Variants in WWC1 observed in about 807,000 individuals in gnomAD.
WWC1 encodes protein KIBRA.
WWC1 carries 55 observed loss-of-function variants against 138.4 expected under a neutral mutation model. The ratio of observed to expected loss-of-function variants is 0.40; its 90% CI spans 0.32 to 0.50. The LOEUF is 0.50. WWC1 is among the 20% of genes least tolerant of loss of function. The pLI is 0.72. For missense variants in WWC1, 1,226 were observed against 1,420.4 expected (o/e 0.86, Z 2.20); for synonymous variants, 524 against 564.9 (o/e 0.93, Z 1.03).
At position 168,339,008 on chromosome 5, in the gene WWC1, A is replaced by C. The variant is rs1333883687; in HGVS notation, c.120-32416A>C. On this transcript the variant is annotated intron_variant, in intron 1 of 22. Transcript: ENST00000265293. ...CACAAATAAATGAGAAATGTTTGAG[A>C]TAATGGGTATGCTAATTACCCTGAT... is the stretch of plus-strand genomic sequence containing the variant. Among the ~76,000 whole-genome samples the C allele has an allele frequency of 8.9e-4, 136 of 152,350 alleles. 1 individual carries two copies. Among genetic ancestry groups the C allele is most frequent in the Non-Finnish European group, 7.4e-5 (5 of 68,024 alleles).
chr5:168,408,517 T>C lies in WWC1; in HGVS notation c.731T>C (p.Met244Thr), dbSNP rs750303026. 2 of 1,613,984 alleles carry C rather than the reference T, an allele frequency of 1.2e-6. No homozygotes were observed. Among genetic ancestry groups the C allele is most frequent in the South Asian group, 2.2e-5 (2 of 91,036 alleles). Reference sequence around the variant, plus strand: ...TCTCCCCTCCTTCAGAGCCTTGCCATGTTGAAGGACGGCTTCCGCACTGAC... The same window carrying C: ...TCTCCCCTCCTTCAGAGCCTTGCCACGTTGAAGGACGGCTTCCGCACTGAC... ...EKQDLIKSLA[M>T]LKDGFRTDRG... The change falls in exon 7 of 23, where the codon ATG (methionine) becomes ACG (threonine). Residue 244 changes from methionine (M) to threonine (T), a missense_variant. Physicochemically the swap from Met to Thr is moderately conservative, Grantham distance 81. This residue lies in a region of WWC1 where 1,016 missense variants were observed against 1,153.9 expected (regional missense o/e 0.88). Coordinates refer to ENST00000265293, the MANE Select transcript of WWC1 (RefSeq NM_015238.3).
intron 2 of WWC1, among the ~76,000 whole-genome samples, chr5:168,373,812 C>T (rs978275157): frequency 4.7e-5 from 7 of 148,836 alleles, no homozygotes; most frequent in Non-Finnish European, 7.4e-5. Flanking sequence ...TTTGGGAGGC[C>T]GAGGTGGGCG....
intron 2 of WWC1, among the ~76,000 whole-genome samples, chr5:168,375,467 G>T (rs892113032): frequency 6.6e-6 from 1 of 152,194 alleles, no homozygotes; most frequent in Non-Finnish European, 1.5e-5. Context: ...GGCAGCTTTG[G>T]ACGAGGACTG....
chr5:168,452,909 C>G (rs1172900552), intron 17 of WWC1, among the ~76,000 whole-genome samples: 1 of 152,056 alleles, frequency 6.6e-6, no homozygotes, highest in Non-Finnish European at 1.5e-5. Flanking sequence ...ATATAGCCAT[C>G]CAATGGAATA....
chr5:168,405,337 G>A (rs1374010058), intron 5 of WWC1, among the ~76,000 whole-genome samples: 1 of 152,142 alleles, frequency 6.6e-6, no homozygotes, highest in Non-Finnish European at 1.5e-5. Context: ...CAGGGTGGGG[G>A]TACCACCAGC....
intron 15 of WWC1, among the ~76,000 whole-genome samples, chr5:168,433,547 GT>G (rs75334138): frequency 2.0e-5 from 3 of 151,954 alleles, no homozygotes; most frequent in African/African-American, 4.8e-5. Flanking sequence ...TGCATTATCT[GT>G]TTTTTTTATT....
rs908177721 is a variant in WWC1 at position 168,291,865 on chromosome 5, C to T, written c.-288C>T. 6.7e-6 allele frequency: 1 copy of T among 149,624 alleles called. No homozygotes were observed. 9.3% of individuals were successfully genotyped at this position (149,624 alleles called of 1,614,324 possible). A position where few individuals can be genotyped will look rare whatever the true frequency, so the allele number is the denominator to read the frequency against. On this transcript the variant is annotated 5_prime_UTR_variant, in exon 1 of 23. Transcript: ENST00000265293. ...GGCGGCGGCGCTCGGCTCGCTCTGC[C>T]CGGCCGGCTGGGCGCGCACCCGGGC... is the stretch of plus-strand genomic sequence containing the variant.
At position 168,385,301 on chromosome 5, in the gene WWC1, T is replaced by C; in HGVS notation, c.320T>C (p.Leu107Pro). 6.2e-7 allele frequency: 1 copy of C among 1,614,012 alleles called. No individual in the cohort carries two copies. ...KDYLVVAQEA[L>P]SAQKEIYQVK... ...TACCTGGTGGTGGCCCAGGAGGCTCTGAGTGCACAAAAGGAGATCTACCAG... is the reference window on the plus strand; with the variant it reads ...TACCTGGTGGTGGCCCAGGAGGCTCCGAGTGCACAAAAGGAGATCTACCAG... The change falls in exon 3 of 23, where the codon CTG becomes CCG. Residue 107 changes from leucine (L) to proline (P), a missense_variant. Around this residue, in one of 3 missense-constraint regions of WWC1, gnomAD observed 1,016 missense variants for 1,153.9 expected, o/e 0.88. Transcript: ENST00000265293.
At chr5:168,348,706 G>C (rs1774684723) in intron 1 of WWC1, among the ~76,000 whole-genome samples, 1 of 152,146 alleles carries the variant, frequency 6.6e-6, no homozygotes, top group African/African-American at 2.4e-5. Flanking sequence ...GAAATACAAA[G>C]AAAGAAATTA....
intron 2 of WWC1, among the ~76,000 whole-genome samples, chr5:168,381,404 G>A (rs765154591): frequency 9.2e-5 from 14 of 152,152 alleles, no homozygotes; most frequent in Admixed American, 6.5e-5. Context: ...CTGGGCAGGC[G>A]ATTCCACCTG....
intron 19 of WWC1, among the ~76,000 whole-genome samples, chr5:168,456,494 G>A (rs1356245432): frequency 2.6e-5 from 4 of 151,938 alleles, no homozygotes; most frequent in East Asian, 3.9e-4. Flanking sequence ...ATTAGTGCAT[G>A]GTGGCACATG....
intron 9 of WWC1, among the ~76,000 whole-genome samples, chr5:168,419,603 G>A (rs1780925462): frequency 6.6e-6 from 1 of 152,210 alleles, no homozygotes. Context: ...GTAGGGCCCA[G>A]GAATGTGCAT....
intron 1 of WWC1, among the ~76,000 whole-genome samples, chr5:168,334,663 G>T (rs1193422629): frequency 6.6e-6 from 1 of 152,238 alleles, no homozygotes; most frequent in Non-Finnish European, 1.5e-5. Flanking sequence ...AAGGACAGGG[G>T]ACTCTGGCTG....
At chr5:168,304,828 C>CTTT (rs71310061) in intron 1 of WWC1, among the ~76,000 whole-genome samples, 2 of 141,630 alleles carry the variant, frequency 1.4e-5, no homozygotes, top group Admixed American at 7.2e-5. Flanking sequence ...AGCTTATGAA[C>CTTT]TTTTTTTTTT....
intron 1 of WWC1, among the ~76,000 whole-genome samples, chr5:168,305,251 A>G (rs1179558402): frequency 1.3e-5 from 2 of 151,858 alleles, no homozygotes; most frequent in Non-Finnish European, 2.9e-5. Flanking sequence ...TACAGGCATG[A>G]GCCACTGCGC....
intron 1 of WWC1, among the ~76,000 whole-genome samples, chr5:168,371,011 A>G (rs1484917485): frequency 6.6e-6 from 1 of 152,238 alleles, no homozygotes; most frequent in African/African-American, 2.4e-5. Flanking sequence ...GATAAGGATT[A>G]GAGGTGGGGT....
intron 2 of WWC1, among the ~76,000 whole-genome samples, chr5:168,378,134 T>G (rs1002674603): frequency 6.6e-6 from 1 of 152,216 alleles, no homozygotes; most frequent in Non-Finnish European, 1.5e-5. Context: ...GCAACATGGA[T>G]GCAGTTGGAG....
At chr5:168,312,022 C>G (rs1265619538) in intron 1 of WWC1, among the ~76,000 whole-genome samples, 1 of 151,130 alleles carries the variant, frequency 6.6e-6, no homozygotes, top group Non-Finnish European at 1.5e-5. Context: ...GCACTCCAGC[C>G]TGGGTGACGG....
chr5:168,428,396 C>A (rs1046859694), intron 12 of WWC1, among the ~76,000 whole-genome samples: 1 of 151,982 alleles, frequency 6.6e-6, no homozygotes, highest in African/African-American at 2.4e-5. Context: ...GGCTAAGGAG[C>A]AAGCACTAGA....
Sources: allele counts gnomAD v4.1 joint callset (sites outside exome capture counted in the v4.1 genomes callset), GRCh38; gene constraint gnomAD v4.1.1; regional missense constraint gnomAD v4.1.1; transcripts MANE v1.5; gene names NCBI Gene and HGNC (gene_info 2026-07-23, HGNC 2026-07-21).